The following CCSER1 variants were observed in gnomAD, a reference collection of about 807,000 sequenced individuals.
The protein encoded by CCSER1 is serine-rich coiled-coil domain-containing protein 1.
CCSER1 carries 41 observed loss-of-function variants against 82.0 expected under a neutral mutation model. The ratio of observed to expected loss-of-function variants is 0.50; its 90% CI spans 0.39 to 0.65. The LOEUF (loss-of-function observed/expected upper bound fraction) is 0.65, where lower values mean the gene tolerates loss of function less well. CCSER1 is among the 30% of genes least tolerant of loss of function. The probability of loss-of-function intolerance (pLI) is 0.00; values close to 1 mark genes in which losing one functional copy is unlikely to be tolerated. For synonymous variants in CCSER1, 414 were observed against 383.9 expected, an observed-to-expected ratio of 1.08 and a Z score of -0.92; for missense variants, 1,119 against 1,064.2, an observed-to-expected ratio of 1.05 and a Z score of -0.72.
At chr4:90,282,129 A>G (rs1447877965) in intron 1 of CCSER1, among the ~76,000 whole-genome samples, 1 of 152,012 alleles carries the variant, frequency 6.6e-6, no homozygotes, top group Non-Finnish European at 1.5e-5. Flanking sequence ...TTGGTTTTAT[A>G]CTTCCTGAAT....
At chr4:90,455,925 A>G (rs983377442) in intron 4 of CCSER1, among the ~76,000 whole-genome samples, 1 of 152,064 alleles carries the variant, frequency 6.6e-6, no homozygotes, top group African/African-American at 2.4e-5. Context: ...TTTTCTTTCT[A>G]GGGCCTCAAA....
intron 10 of CCSER1, among the ~76,000 whole-genome samples, chr4:91,236,439 C>T (rs1430715148): frequency 6.6e-6 from 1 of 152,062 alleles, no homozygotes; most frequent in Non-Finnish European, 1.5e-5. Flanking sequence ...GCCGAGATCA[C>T]ACCACTGCAC....
intron 4 of CCSER1, among the ~76,000 whole-genome samples, chr4:90,461,032 T>C (rs1342049739): frequency 6.6e-6 from 1 of 151,432 alleles, no homozygotes; most frequent in Admixed American, 6.6e-5. Flanking sequence ...CTTGTTCCTG[T>C]ACTTAGGTGT....
intron 10 of CCSER1, among the ~76,000 whole-genome samples, chr4:91,327,193 T>C (rs1746629292): frequency 6.6e-6 from 1 of 151,958 alleles, no homozygotes. Flanking sequence ...CCTAGTAGAG[T>C]TTCTCCGTGA....
chr4:91,188,743 T>C (rs1231452440), intron 10 of CCSER1, among the ~76,000 whole-genome samples: 1 of 152,168 alleles, frequency 6.6e-6, no homozygotes, highest in Non-Finnish European at 1.5e-5. Flanking sequence ...ACTACTTGTA[T>C]GCTTGATACT....
At chr4:90,613,530 C>T (rs935666194) in intron 5 of CCSER1, among the ~76,000 whole-genome samples, 5 of 152,172 alleles carry the variant, frequency 3.3e-5, no homozygotes, top group African/African-American at 1.2e-4. Flanking sequence ...TCCTTTGTTG[C>T]TACTAAAGAT....
intron 10 of CCSER1, among the ~76,000 whole-genome samples, chr4:91,163,836 A>G (rs1043635618): frequency 3.3e-5 from 5 of 151,976 alleles, no homozygotes; most frequent in Non-Finnish European, 4.4e-5. Flanking sequence ...TCTGCAAGTG[A>G]GATGGGTTTC....
At chr4:90,203,173 C>G (rs571172001) in intron 1 of CCSER1, among the ~76,000 whole-genome samples, 1 of 152,016 alleles carries the variant, frequency 6.6e-6, no homozygotes, top group South Asian at 2.1e-4. Context: ...AATATTTAAT[C>G]GTTTATGATA....
Position 90,957,547 on chromosome 4 carries a change from T to TAATATTA in CCSER1, c.2172+34100_2172+34101insAATATTA, listed in dbSNP as rs1561417900. On this transcript the variant is annotated intron_variant, in intron 9 of 10. Transcript: ENST00000509176. Reference sequence around the variant, plus strand: ...ATCATATATTATATATATTATATAATTATATTATATATATTATATAATTAT... The same window carrying TAATATTA: ...ATCATATATTATATATATTATATAATAATATTATATATTATATATATTATATAATTAT... Among the ~76,000 whole-genome samples the TAATATTA allele has an allele frequency of 6.5e-5, 6 of 91,724 alleles. No individual in the cohort carries two copies. In the East Asian group the frequency reaches 1.9e-3, roughly 29 times the overall value. The allele number at this position is 91,724 out of a possible 152,430, so 60.2% of individuals were successfully genotyped here.
At chr4:91,099,924 AAAAACTAGCTATGTTAGTAGAGATTCTT>A (rs1581552339) in intron 10 of CCSER1, among the ~76,000 whole-genome samples, 1 of 152,186 alleles carries the variant, frequency 6.6e-6, no homozygotes, top group East Asian at 1.9e-4. Context: ...CAGGAAGAAA[AAAAACTAGCTATGTTAGTAGAGATTCTT>A]TACAGATGCT....
chr4:90,734,878 G>A (rs1008343134), intron 7 of CCSER1, among the ~76,000 whole-genome samples: 1 of 152,138 alleles, frequency 6.6e-6, no homozygotes, highest in African/African-American at 2.4e-5. Context: ...AGTGGTGAAA[G>A]GGCATCCTTG....
At chr4:91,384,622 A>T (rs1261493576) in intron 10 of CCSER1, among the ~76,000 whole-genome samples, 1 of 152,032 alleles carries the variant, frequency 6.6e-6, no homozygotes, top group African/African-American at 2.4e-5. Flanking sequence ...GTTCTGGGTG[A>T]ATGTAAGGGT....
rs1003311551 is a variant in CCSER1, at chr4:91,161,946, C to T, written c.2217+75952C>T. On this transcript the variant is annotated intron_variant, in intron 10 of 10. Transcript: ENST00000509176. ...CTGTATTTTTTTCTTTTCCTGATTG[C>T]CCTGGCGAGAACTTCCAACACTATG... Among the ~76,000 whole-genome samples, 5 of 152,092 alleles carry T rather than the reference C, an allele frequency of 3.3e-5. No homozygotes were observed. In the South Asian group the frequency reaches 1.0e-3, roughly 32 times the overall value.
At chr4:91,184,634 G>T (rs957042048) in intron 10 of CCSER1, among the ~76,000 whole-genome samples, 3 of 152,130 alleles carry the variant, frequency 2.0e-5, no homozygotes, top group Non-Finnish European at 4.4e-5. Flanking sequence ...AGCAGCCATT[G>T]TTCTATCCAA....
chr4:90,249,586 A>T (rs1243918470), intron 1 of CCSER1, among the ~76,000 whole-genome samples: 2 of 152,160 alleles, frequency 1.3e-5, no homozygotes, highest in Admixed American at 6.6e-5. Flanking sequence ...TAAATAGAAC[A>T]TACAATATGT....
intron 7 of CCSER1, among the ~76,000 whole-genome samples, chr4:90,743,165 CT>C: frequency 1.3e-5 from 2 of 152,238 alleles, no homozygotes; most frequent in Admixed American, 1.3e-4. Context: ...ATGAATACCA[CT>C]TTAAAATGCA....
chr4:90,587,019 G>A (rs1398794585), intron 5 of CCSER1, among the ~76,000 whole-genome samples: 1 of 152,164 alleles, frequency 6.6e-6, no homozygotes, highest in Admixed American at 6.5e-5. Flanking sequence ...AGTGAAACGG[G>A]GGGAGGCAGA....
At chr4:91,243,454 G>GCCAT (rs1454545185) in intron 10 of CCSER1, among the ~76,000 whole-genome samples, 5 of 152,172 alleles carry the variant, frequency 3.3e-5, no homozygotes, top group African/African-American at 1.2e-4. Flanking sequence ...GAGTGCTTGT[G>GCCAT]CCATCCATCC....
At chr4:91,202,816 C>CA (rs1736040603) in intron 10 of CCSER1, among the ~76,000 whole-genome samples, 1 of 40,482 alleles carries the variant, frequency 2.5e-5, no homozygotes, top group Non-Finnish European at 4.4e-5. Flanking sequence ...TACACACTGT[C>CA]TTTTTATTCA....
Sources: allele counts gnomAD v4.1 joint callset (sites outside exome capture counted in the v4.1 genomes callset), GRCh38; gene constraint gnomAD v4.1.1; transcripts MANE v1.5; gene names NCBI Gene and HGNC (gene_info 2026-07-23, HGNC 2026-07-21).